The following ERCC3 variants were observed in gnomAD, a reference collection of about 807,000 sequenced individuals.
ERCC3 encodes the protein general transcription and DNA repair factor IIH helicase/translocase subunit XPB.
In ERCC3, 66 loss-of-function variants were observed where a neutral mutation model predicts 94.2. The observed-to-expected ratio is 0.70, with a 90% CI of 0.57 to 0.86. The LOEUF is 0.86. Ranked by LOEUF, ERCC3 falls within the 40% of genes least tolerant of loss-of-function variation. The probability of loss-of-function intolerance (pLI) is 0.00; values close to 1 mark genes in which losing one functional copy is unlikely to be tolerated. For synonymous variants in ERCC3, 349 were observed against 369.1 expected, an observed-to-expected ratio of 0.95 and a Z score of 0.63; for missense variants, 829 against 987.1, an observed-to-expected ratio of 0.84 and a Z score of 2.15.
In ERCC3 at chr2:127,264,224, G is replaced by A. The variant is rs1488186390; in HGVS notation, c.1946-2878C>T. Among the ~76,000 whole-genome samples, 1 of 152,200 alleles carries A rather than the reference G, an allele frequency of 6.6e-6. No individual in the cohort carries two copies. Among genetic ancestry groups the A allele is most frequent in the Non-Finnish European group, 1.5e-5 (1 of 68,040 alleles). On this transcript the variant is annotated intron_variant, in intron 12 of 14. Coordinates refer to ENST00000285398, the MANE Select transcript of ERCC3 (RefSeq NM_000122.2). The surrounding 1 kb of genome is among the most constrained non-coding windows in gnomAD (Gnocchi z 4.4). ...CACACCTATAATCCCAGCACTTTGG[G>A]AGGCCAAGGTGGGTGGATCACCTGA...
At position 127,280,704 on chromosome 2, in the gene ERCC3, T is replaced by C; in HGVS notation, c.1343-73A>G. 7.3e-7 allele frequency: 1 copy of C among 1,367,348 alleles called. No individual in the cohort carries two copies. The highest frequency in any genetic ancestry group is 1.0e-6 in the Non-Finnish European group (1 of 986,424). 84.7% of individuals were successfully genotyped at this position (1,367,348 alleles called of 1,614,324 possible). ...TTTTATTTATTTATTTTAAAATATTTTTTGTAGAGATGGGGTCTCATTATA... is the reference window on the plus strand; with the variant it reads ...TTTTATTTATTTATTTTAAAATATTCTTTGTAGAGATGGGGTCTCATTATA... On this transcript the variant is annotated intron_variant, in intron 8 of 14. Transcript: ENST00000285398. The surrounding 1 kb of genome is among the most constrained non-coding windows in gnomAD (Gnocchi z 6.3).
chr2:127,292,796 A>G lies in ERCC3; in HGVS notation c.285T>C (p.Tyr95=). The part of the protein sequence containing the change: ...FLEAFSPVYK[Y]AQDFLVAIAE... Reference sequence around the variant, plus strand: ...CAATAGCCACCAAGAAGTCTTGGGCATATTTGTAAACTGGAGAGAAGGCTT... The same window carrying G: ...CAATAGCCACCAAGAAGTCTTGGGCGTATTTGTAAACTGGAGAGAAGGCTT... The change falls in exon 3 of 15, where the codon TAT becomes TAC. Residue 95 remains tyrosine (Y), a synonymous_variant. Coordinates refer to ENST00000285398, the MANE Select transcript of ERCC3 (RefSeq NM_000122.2). 6 of 1,613,904 alleles carry G rather than the reference A, an allele frequency of 3.7e-6. No homozygotes were observed. The highest frequency in any genetic ancestry group is 5.1e-6 in the Non-Finnish European group (6 of 1,180,010).
chr2:127,284,123 C>T lies in ERCC3; in HGVS notation c.1342+2580G>A, dbSNP rs1684997642. The stretch of plus-strand genomic sequence containing the variant: ...TGTCAATTAAAGCTTCACAACATAT[C>T]CAGAGTCGGATCACGCCTTCATCCT... On this transcript the variant is annotated intron_variant, in intron 8 of 14. Coordinates refer to ENST00000285398, the MANE Select transcript of ERCC3 (RefSeq NM_000122.2). This position sits in a 1 kb window ranked among gnomAD's most constrained non-coding sequence, Gnocchi z 4.1. The T allele has an allele frequency of 6.6e-6, 1 of 152,240 alleles. No homozygotes were observed. Among genetic ancestry groups the T allele is most frequent in the African/African-American group, 2.4e-5 (1 of 41,460 alleles). 9.4% of individuals were successfully genotyped at this position (152,240 alleles called of 1,614,324 possible).
intron 4 of ERCC3, 111 bp from the exon 5 acceptor site, chr2:127,289,935 C>A: frequency 7.9e-7 from 1 of 1,265,058 alleles, no homozygotes; most frequent in Non-Finnish European, 1.1e-6. Context: ...ACTCTCCCCA[C>A]AACCCTTCGC....
At position 127,272,884 on chromosome 2, in the gene ERCC3, T is replaced by C. The variant is rs778751078; in HGVS notation, c.1808A>G (p.Asn603Ser). 1 of 1,613,044 alleles carries C rather than the reference T, an allele frequency of 6.2e-7. No homozygotes were observed. Residue 603 changes from asparagine to serine, a missense_variant, in exon 11 of 15, where the codon AAC becomes AGC. By Grantham distance (46) the Asn-to-Ser change is conservative (BLOSUM62 1). Transcript: ENST00000285398. ...LQNFKHNPKI[N>S]TIFISKVGDT... ...ACAAACCTTGGATATGAAGATGGTG[T>C]TAATTTTGGGGTTGTGCTTGAAATT...
intron 8 of ERCC3, 101 bp downstream of exon 8, chr2:127,286,602 A>G: frequency 8.9e-7 from 1 of 1,123,728 alleles, no homozygotes; most frequent in African/African-American, 1.5e-5. Flanking sequence ...AAGTCTTTCT[A>G]GCCAGTTGGG....
At chr2:127,278,981 G>T (rs1684823158) in intron 10 of ERCC3, among the ~76,000 whole-genome samples, 192 bp downstream of exon 10, 1 of 152,122 alleles carries the variant, frequency 6.6e-6, no homozygotes, top group Non-Finnish European at 1.5e-5. Flanking sequence ...TTTTCTCTAT[G>T]CTCTAACCTC....
At chr2:127,282,940 A>G (rs1684962064) in intron 8 of ERCC3, among the ~76,000 whole-genome samples, 1 of 152,082 alleles carries the variant, frequency 6.6e-6, no homozygotes, top group East Asian at 1.9e-4. Context: ...ATGAACGTGT[A>G]CCAAACATAT....
In ERCC3 at chr2:127,280,742, G is replaced by T; in HGVS notation, c.1343-111C>A. ...GGGTCTCATTATATTGCCCAGGCTG[G>T]TCTTGAACTCCTGGCCTCAAGCAAT... On this transcript the variant is annotated intron_variant, in intron 8 of 14. Coordinates refer to ENST00000285398, the MANE Select transcript of ERCC3 (RefSeq NM_000122.2). The surrounding 1 kb of genome is among the most constrained non-coding windows in gnomAD (Gnocchi z 6.3). 1 of 1,027,634 alleles carries T rather than the reference G, an allele frequency of 9.7e-7. No individual in the cohort carries two copies. Among genetic ancestry groups the T allele is most frequent in the Non-Finnish European group, 1.5e-6 (1 of 684,800 alleles). The allele number at this position is 1,027,634 out of a possible 1,614,324, so 63.7% of individuals were successfully genotyped here.
intron 6 of ERCC3, 142 bp downstream of exon 6, chr2:127,289,195 G>A: frequency 1.3e-6 from 1 of 768,618 alleles, no homozygotes; most frequent in Non-Finnish European, 2.3e-6. Flanking sequence ...ATGGCTCACA[G>A]ATAATAAAAA....
At chr2:127,268,471 C>G (rs1438403714) in intron 12 of ERCC3, among the ~76,000 whole-genome samples, 1 of 152,082 alleles carries the variant, frequency 6.6e-6, no homozygotes, top group Non-Finnish European at 1.5e-5. Context: ...TCATGTTGCC[C>G]AGACTGGTCT....
rs989959271 is a variant in ERCC3, at chr2:127,258,055, C to A, written c.2218-328G>T. Among the ~76,000 whole-genome samples the A allele has an allele frequency of 4.6e-5, 7 of 152,212 alleles. No individual in the cohort carries two copies. Among genetic ancestry groups the A allele is most frequent in the Admixed American group, 3.3e-4 (5 of 15,284 alleles). ...TAGCCTGGCTTCAGACTGTTCTTAA[C>A]CATAATGCCACACTACCTCACTTAA... On this transcript the variant is annotated intron_variant, in intron 14 of 14. Coordinates refer to ENST00000285398, the MANE Select transcript of ERCC3 (RefSeq NM_000122.2). This position sits in a 1 kb window ranked among gnomAD's most constrained non-coding sequence, Gnocchi z 4.1.
chr2:127,290,473 C>T lies in ERCC3; in HGVS notation c.472-200G>A, dbSNP rs113163782. On this transcript the variant is annotated intron_variant, in intron 3 of 14. Transcript: ENST00000285398. ...TCTGCTTTCTGAGAACAAAATCTTC[C>T]TCTTGCCTGGGTAATTCTGATGCAT... 4.9e-3 allele frequency: 3,171 copies of T among 645,656 alleles called. 76 individuals are homozygous for T. The African/African-American group carries it at 0.05, about 10-fold the overall frequency. 40.0% of individuals were successfully genotyped at this position (645,656 alleles called of 1,614,324 possible).
chr2:127,293,926 C>A, intron 1 of ERCC3, 128 bp downstream of exon 1: 6 of 1,531,772 alleles, frequency 3.9e-6, no homozygotes, highest in Non-Finnish European at 5.2e-6. Flanking sequence ...AAGGCCTGTC[C>A]CAACGGGGTG....
At chr2:127,272,007 CTTTTTTTTTTTTTT>C (rs59921131) in intron 11 of ERCC3, among the ~76,000 whole-genome samples, 2 of 63,032 alleles carry the variant, frequency 3.2e-5, no homozygotes, top group African/African-American at 6.5e-5. Flanking sequence ...AATCTCATTT[CTTTTTTTTTTTTTT>C]TTTTTTTTTT....
At chr2:127,270,271 T>C (rs752138430) in intron 12 of ERCC3, among the ~76,000 whole-genome samples, 11 of 152,138 alleles carry the variant, frequency 7.2e-5, no homozygotes, top group Non-Finnish European at 1.2e-4. Context: ...GCTATCCTCC[T>C]GCCTTGGCCT....
rs1347666952 is a variant in ERCC3 at position 127,279,549 on chromosome 2, G to A, written c.1528-174C>T. ...GGCTGAGGCAGGCAGATCACTTGAGGCCAGGAGTTCAAGACCAGCCTGGCC... is the reference window on the plus strand; with the variant it reads ...GGCTGAGGCAGGCAGATCACTTGAGACCAGGAGTTCAAGACCAGCCTGGCC... On this transcript the variant is annotated intron_variant, in intron 9 of 14. Transcript: ENST00000285398. The surrounding 1 kb of genome is among the most constrained non-coding windows in gnomAD (Gnocchi z 4.7). 6.6e-6 allele frequency among the ~76,000 whole-genome samples: 1 copy of A among 152,158 alleles called. No individual in the cohort carries two copies. Among genetic ancestry groups the A allele is most frequent in the African/African-American group, 2.4e-5 (1 of 41,440 alleles).
intron 6 of ERCC3, among the ~76,000 whole-genome samples, chr2:127,289,132 C>T (rs906824671): frequency 2.6e-5 from 4 of 152,158 alleles, no homozygotes; most frequent in African/African-American, 9.7e-5. Context: ...ACCAGCCTAC[C>T]AGCCTGAAAA....
chr2:127,274,111 C>T lies in ERCC3; in HGVS notation c.1731-1150G>A, dbSNP rs891259776. 6.6e-6 allele frequency among the ~76,000 whole-genome samples: 1 copy of T among 151,506 alleles called. No homozygotes were observed. Among genetic ancestry groups the T allele is most frequent in the Non-Finnish European group, 1.5e-5 (1 of 67,922 alleles). On this transcript the variant is annotated intron_variant, in intron 10 of 14. Transcript: ENST00000285398. This position sits in a 1 kb window ranked among gnomAD's most constrained non-coding sequence, Gnocchi z 4.0. ...GGTGGATCACCTGAGGCCAGGAGTT[C>T]GAGACCAGCCTGGCCAACATGGTGA...
Sources: allele counts gnomAD v4.1 joint callset (sites outside exome capture counted in the v4.1 genomes callset), GRCh38; gene constraint gnomAD v4.1.1; non-coding constraint Gnocchi (gnomAD v3.1); transcripts MANE v1.5; gene names NCBI Gene and HGNC (gene_info 2026-07-23, HGNC 2026-07-21).